The following PPP2R2D variants were observed in gnomAD, a reference collection of about 807,000 sequenced individuals.
The protein encoded by PPP2R2D is serine/threonine-protein phosphatase 2A 55 kDa regulatory subunit B delta isoform.
Under a neutral mutation model 31.1 loss-of-function variants are expected in PPP2R2D, and 9 were observed. The ratio of observed to expected loss-of-function variants is 0.29; its 90% CI spans 0.17 to 0.51. The LOEUF (loss-of-function observed/expected upper bound fraction) is 0.51, where lower values mean the gene tolerates loss of function less well. Among genes scored for constraint, PPP2R2D ranks in the 20% least tolerant of loss-of-function variants. The pLI, the probability that PPP2R2D is intolerant of heterozygous loss-of-function variation, is 0.98. For synonymous variants in PPP2R2D, 179 were observed against 172.6 expected, an observed-to-expected ratio of 1.04 and a Z score of -0.29; for missense variants, 391 against 465.6, an observed-to-expected ratio of 0.84 and a Z score of 1.48.
At chr10:131,925,176 C>G (rs2036080538) in intron 2 of PPP2R2D, among the ~76,000 whole-genome samples, 1 of 152,156 alleles carries the variant, frequency 6.6e-6, no homozygotes, top group African/African-American at 2.4e-5. Flanking sequence ...GCTAGAATTT[C>G]CAGTAGAATG....
chr10:131,961,087 G>GGAGACAAT (rs1252655040), downstream of PPP2R2D, among the ~76,000 whole-genome samples: 4 of 152,182 alleles, frequency 2.6e-5, no homozygotes, highest in Non-Finnish European at 5.9e-5. Flanking sequence ...CCACAGGTGG[G>GGAGACAAT]GAGACAATGC....
chr10:131,909,334 G>T (rs904244496), intron 2 of PPP2R2D, among the ~76,000 whole-genome samples: 1 of 152,200 alleles, frequency 6.6e-6, no homozygotes. Flanking sequence ...GCGGAGGAGC[G>T]ACATCAGCTT....
At chr10:131,954,822 G>T (rs1051064332) in intron 8 of PPP2R2D, among the ~76,000 whole-genome samples, 1 of 152,220 alleles carries the variant, frequency 6.6e-6, no homozygotes, top group African/African-American at 2.4e-5. Flanking sequence ...ACGTGAGGGC[G>T]CGGGTTAGTG....
intron 2 of PPP2R2D, among the ~76,000 whole-genome samples, chr10:131,933,022 T>G (rs1262678449): frequency 1.3e-5 from 2 of 152,232 alleles, no homozygotes; most frequent in African/African-American, 4.8e-5. Flanking sequence ...TGACATAGAT[T>G]TAGACCTTTT....
chr10:131,966,205 C>T, the PPP2R2D span, among the ~76,000 whole-genome samples: 1 of 152,152 alleles, frequency 6.6e-6, no homozygotes, highest in Admixed American at 6.5e-5. Context: ...CGTTCCACAC[C>T]CTAAGCAGAT....
intron 2 of PPP2R2D, among the ~76,000 whole-genome samples, chr10:131,915,269 G>A (rs1347070454): frequency 4.6e-5 from 7 of 152,044 alleles, no homozygotes; most frequent in Non-Finnish European, 8.8e-5. Flanking sequence ...GTACCAGTGC[G>A]TTTGTAAACG....
rs187393737 is a variant in PPP2R2D at position 131,956,461 on chromosome 10, G to A, written c.*498G>A. ...GGATGTGGCCCGAGCAGGCTCAGGCGGCCCCACTCACCCACAGCATCCGCC... is the reference window on the plus strand; with the variant it reads ...GGATGTGGCCCGAGCAGGCTCAGGCAGCCCCACTCACCCACAGCATCCGCC... On this transcript the variant is annotated 3_prime_UTR_variant, in exon 9 of 9. Coordinates refer to ENST00000455566, the MANE Select transcript of PPP2R2D (RefSeq NM_018461.5). 1,201 of 985,556 alleles carry A rather than the reference G, an allele frequency of 1.2e-3. No homozygotes were observed. The highest frequency in any genetic ancestry group is 1.4e-3 in the Non-Finnish European group (1,139 of 830,056). The allele number at this position is 985,556 out of a possible 1,614,324, so 61.1% of individuals were successfully genotyped here. A position where few individuals can be genotyped will look rare whatever the true frequency, so the allele number is the denominator to read the frequency against.
chr10:131,964,108 TA>T (rs1426858838), downstream of PPP2R2D, among the ~76,000 whole-genome samples: 8 of 152,288 alleles, frequency 5.3e-5, no homozygotes, highest in East Asian at 3.9e-4. Context: ...AAACTGCAAT[TA>T]TGCATTCTGG....
downstream of PPP2R2D, among the ~76,000 whole-genome samples, chr10:131,961,653 C>T (rs183713095): frequency 1.8e-3 from 273 of 152,276 alleles, 2 homozygotes; most frequent in African/African-American, 6.2e-3. Flanking sequence ...ACTGCGGCAC[C>T]CCCGAAGCTG....
intron 2 of PPP2R2D, among the ~76,000 whole-genome samples, chr10:131,928,066 C>T (rs919564014): frequency 3.3e-5 from 5 of 152,124 alleles, no homozygotes; most frequent in Admixed American, 1.3e-4. Flanking sequence ...CGAGAGCTGC[C>T]GTGGATACCT....
chr10:131,956,424 C>CTGTGGATG lies in PPP2R2D; in HGVS notation c.*472_*479dup. ...GCCTTCCTCCGAGTCCAGGTGGACT[C>CTGTGGATG]TGTGGATGTGTGGATGTGGCCCGAG... On this transcript the variant is annotated 3_prime_UTR_variant, in exon 9 of 9. Transcript: ENST00000455566. 1 of 985,850 alleles carries CTGTGGATG rather than the reference C, an allele frequency of 1.0e-6. No homozygotes were observed. The highest frequency in any genetic ancestry group is 1.2e-6 in the Non-Finnish European group (1 of 830,252). 61.1% of individuals were successfully genotyped at this position (985,850 alleles called of 1,614,324 possible).
downstream of PPP2R2D, among the ~76,000 whole-genome samples, chr10:131,962,418 G>C (rs888421000): frequency 2.0e-5 from 3 of 152,334 alleles, no homozygotes; most frequent in African/African-American, 7.2e-5. Context: ...GTCTCCATCT[G>C]GTGAGTGGTT....
Position 131,956,174 on chromosome 10 carries a change from G to A in PPP2R2D, c.*211G>A, listed in dbSNP as rs782571140. On this transcript the variant is annotated 3_prime_UTR_variant, in exon 9 of 9. Coordinates refer to ENST00000455566, the MANE Select transcript of PPP2R2D (RefSeq NM_018461.5). ...CAGGCGCTGCTGCTCACGTGGAGAC[G>A]CTCTCGAAGCAGAGTTGACGGACAC... The A allele has an allele frequency of 1.8e-5, 22 of 1,228,226 alleles. No homozygotes were observed. The highest frequency in any genetic ancestry group is 8.4e-5 in the Admixed American group (2 of 23,726). 76.1% of individuals were successfully genotyped at this position (1,228,226 alleles called of 1,614,324 possible).
At chr10:131,910,039 G>C (rs970068420) in intron 2 of PPP2R2D, among the ~76,000 whole-genome samples, 1 of 152,234 alleles carries the variant, frequency 6.6e-6, no homozygotes, top group Non-Finnish European at 1.5e-5. Context: ...TTATTGAAAT[G>C]TGTAAGGAAA....
At chr10:131,954,686 A>G (rs2036760986) in intron 8 of PPP2R2D, among the ~76,000 whole-genome samples, 1 of 150,174 alleles carries the variant, frequency 6.7e-6, no homozygotes, top group Non-Finnish European at 1.5e-5. Context: ...GTCAGACACT[A>G]GGTATTTGCC....
chr10:131,913,005 A>G (rs2035708627), intron 2 of PPP2R2D, among the ~76,000 whole-genome samples: 1 of 151,960 alleles, frequency 6.6e-6, no homozygotes, highest in Admixed American at 6.6e-5. Context: ...GTCAGTCTGT[A>G]AAAGTGGTTT....
downstream of PPP2R2D, among the ~76,000 whole-genome samples, chr10:131,964,084 A>G (rs986299414): frequency 6.6e-6 from 1 of 152,068 alleles, no homozygotes; most frequent in Non-Finnish European, 1.5e-5. Context: ...TTTGCCTGAT[A>G]TTTTCTCGTG....
chr10:131,917,246 GTGTT>G lies in PPP2R2D; in HGVS notation c.100+15920_100+15923del, dbSNP rs782518897. Among the ~76,000 whole-genome samples the G allele has an allele frequency of 2.8e-3, 359 of 128,006 alleles. 4 individuals carry two copies. Among genetic ancestry groups the G allele is most frequent in the African/African-American group, 9.9e-3 (328 of 33,152 alleles). 84.0% of individuals were successfully genotyped at this position (128,006 alleles called of 152,430 possible). A position where few individuals can be genotyped will look rare whatever the true frequency, so the allele number is the denominator to read the frequency against. On this transcript the variant is annotated intron_variant, in intron 2 of 8. Coordinates refer to ENST00000455566, the MANE Select transcript of PPP2R2D (RefSeq NM_018461.5). ...GACCTCAGGCGGGTGGAATGACACA[GTGTT>G]TGTAGGGACCTCAGGCGGGTGGAAT...
In PPP2R2D at chr10:131,945,245, A is replaced by T. The variant is rs1265710440; in HGVS notation, c.656-50A>T. 1 of 1,574,204 alleles carries T rather than the reference A, an allele frequency of 6.4e-7. No individual in the cohort carries two copies. Among genetic ancestry groups the T allele is most frequent in the African/African-American group, 1.3e-5 (1 of 74,124 alleles). On this transcript the variant is annotated intron_variant, in intron 6 of 8. Coordinates refer to ENST00000455566, the MANE Select transcript of PPP2R2D (RefSeq NM_018461.5). The surrounding 1 kb of genome is among the most constrained non-coding windows in gnomAD (Gnocchi z 4.8). ...TATTTCGCGTGACTGAATGTAGACT[A>T]ATTAACAACCAGCTGAGCTGAGCAC...
Sources: allele counts gnomAD v4.1 joint callset (sites outside exome capture counted in the v4.1 genomes callset), GRCh38; gene constraint gnomAD v4.1.1; non-coding constraint Gnocchi (gnomAD v3.1); transcripts MANE v1.5; gene names NCBI Gene and HGNC (gene_info 2026-07-23, HGNC 2026-07-21).